RPS6KA5: variants seen among roughly 807,000 people sequenced by gnomAD.
RPS6KA5 encodes the protein ribosomal protein S6 kinase alpha-5.
Under a neutral mutation model 85.5 loss-of-function variants are expected in RPS6KA5, and 27 were observed. The ratio of observed to expected loss-of-function variants is 0.32; its 90% CI spans 0.23 to 0.44. The LOEUF (loss-of-function observed/expected upper bound fraction) is 0.44. RPS6KA5 is among the 20% of genes least tolerant of loss of function. RPS6KA5 has a pLI of 1.00. For missense variants in RPS6KA5, 811 were observed against 980.9 expected (o/e 0.83, Z 2.31); for synonymous variants, 334 against 348.2 (o/e 0.96, Z 0.46).
chr14:91,053,856 G>A lies in RPS6KA5; in HGVS notation c.103+6476C>T, dbSNP rs2043197945. Among the ~76,000 whole-genome samples, 4 of 152,126 alleles carry A rather than the reference G, an allele frequency of 2.6e-5. No individual in the cohort carries two copies. In the South Asian group the frequency reaches 8.3e-4, roughly 31 times the overall value. Reference sequence around the variant, plus strand: ...TGCAGACACTAACAAGCTGATCCTAGAATCCATATGGAAATACAAGGAATC... The same window carrying A: ...TGCAGACACTAACAAGCTGATCCTAAAATCCATATGGAAATACAAGGAATC... On this transcript the variant is annotated intron_variant, in intron 1 of 16. Coordinates refer to ENST00000614987, the MANE Select transcript of RPS6KA5 (RefSeq NM_004755.4).
intron 2 of RPS6KA5, among the ~76,000 whole-genome samples, chr14:90,983,620 AAGAG>A (rs1326458795): frequency 6.6e-6 from 1 of 151,528 alleles, no homozygotes; most frequent in Non-Finnish European, 1.5e-5. Flanking sequence ...AAGAAGAAAG[AAGAG>A]AGAGAGAAAG....
intron 5 of RPS6KA5, among the ~76,000 whole-genome samples, chr14:90,924,076 T>C (rs1311957949): frequency 1.3e-5 from 2 of 152,130 alleles, no homozygotes; most frequent in African/African-American, 4.8e-5. Flanking sequence ...TGATAGGGTA[T>C]ACATTAATAA....
At chr14:90,929,819 G>A (rs2036875411) in intron 5 of RPS6KA5, among the ~76,000 whole-genome samples, 1 of 152,062 alleles carries the variant, frequency 6.6e-6, no homozygotes, top group South Asian at 2.1e-4. Context: ...GGGTGAAGAG[G>A]AAAAAGATCT....
rs112318993 is a variant in RPS6KA5, at chr14:91,033,250, T to C, written c.103+27082A>G. Among the ~76,000 whole-genome samples, 630 of 151,950 alleles carry C rather than the reference T, an allele frequency of 4.1e-3. 4 individuals are homozygous for C. Among genetic ancestry groups the C allele is most frequent in the African/African-American group, 0.014 (580 of 41,438 alleles). On this transcript the variant is annotated intron_variant, in intron 1 of 16. Transcript: ENST00000614987. ...CACTAATAATAAGGAAAATGTAAATTTAAAATCACAATAAGATGACAGTAA... is the reference window on the plus strand; with the variant it reads ...CACTAATAATAAGGAAAATGTAAATCTAAAATCACAATAAGATGACAGTAA...
At chr14:90,929,472 A>G (rs1482189457) in intron 5 of RPS6KA5, among the ~76,000 whole-genome samples, 1 of 152,200 alleles carries the variant, frequency 6.6e-6, no homozygotes, top group Non-Finnish European at 1.5e-5. Context: ...CTCTGGCAAG[A>G]AAAACATAAA....
intron 1 of RPS6KA5, among the ~76,000 whole-genome samples, chr14:91,010,023 T>C (rs939607198): frequency 6.7e-6 from 1 of 150,188 alleles, no homozygotes; most frequent in Non-Finnish European, 1.5e-5. Flanking sequence ...CTAATTTGGT[T>C]AGGTCAACAG....
chr14:90,935,644 T>C (rs965995699), intron 5 of RPS6KA5, among the ~76,000 whole-genome samples: 5 of 152,174 alleles, frequency 3.3e-5, no homozygotes, highest in East Asian at 1.9e-4. Context: ...ATTATCTGAA[T>C]TGAGCAAGGT....
chr14:91,023,252 T>G (rs940208195), intron 1 of RPS6KA5, among the ~76,000 whole-genome samples: 1 of 152,078 alleles, frequency 6.6e-6, no homozygotes, highest in African/African-American at 2.4e-5. Context: ...GGAGACTACC[T>G]GTGTAGGGTA....
In RPS6KA5 at chr14:90,936,782, A is replaced by C. The variant is rs191612622; in HGVS notation, c.618+6296T>G. On this transcript the variant is annotated intron_variant, in intron 5 of 16. Transcript: ENST00000614987. ...TCATGAGCAGAAACATCAAACATACATAAAAAGTAAATTCCTGAAGATTAA... is the reference window on the plus strand; with the variant it reads ...TCATGAGCAGAAACATCAAACATACCTAAAAAGTAAATTCCTGAAGATTAA... Among the ~76,000 whole-genome samples, 30 of 152,306 alleles carry C rather than the reference A, an allele frequency of 2.0e-4. No homozygotes were observed. The East Asian group carries it at 2.9e-3, about 15-fold the overall frequency.
In RPS6KA5 at chr14:91,060,538, G is replaced by A. The variant is rs1481270968; in HGVS notation, c.-104C>T. The A allele has an allele frequency of 8.2e-7, 1 of 1,220,868 alleles. No individual in the cohort carries two copies. The highest frequency in any genetic ancestry group is 1.0e-6 in the Non-Finnish European group (1 of 972,078). The allele number at this position is 1,220,868 out of a possible 1,614,324, so 75.6% of individuals were successfully genotyped here. The stretch of plus-strand genomic sequence containing the variant: ...CTGCCGCGGCCCCAGGAGTCGGGGT[G>A]CGGCGGCTCCAGAACTCGGACGCAA... On this transcript the variant is annotated 5_prime_UTR_variant, in exon 1 of 17. Coordinates refer to ENST00000614987, the MANE Select transcript of RPS6KA5 (RefSeq NM_004755.4).
At chr14:90,877,121 A>C (rs1237157436) in intron 14 of RPS6KA5, among the ~76,000 whole-genome samples, 1 of 152,226 alleles carries the variant, frequency 6.6e-6, no homozygotes, top group East Asian at 1.9e-4. Flanking sequence ...CTCTGAGGTT[A>C]CAAGAGGCTA....
chr14:90,873,874 C>T, intron 15 of RPS6KA5, 79 bp from the exon 16 acceptor site: 1 of 1,260,912 alleles, frequency 7.9e-7, no homozygotes, highest in Non-Finnish European at 1.1e-6. Context: ...TAAATCTCAG[C>T]TATGTTCACA....
chr14:90,994,814 C>T (rs1030698680), intron 2 of RPS6KA5, among the ~76,000 whole-genome samples: 1 of 151,748 alleles, frequency 6.6e-6, no homozygotes, highest in South Asian at 2.1e-4. Context: ...CCTCATGATC[C>T]GCCTGCCTCG....
At position 90,863,326 on chromosome 14, in the gene RPS6KA5, A is replaced by AAAAAAAAAAAAAG. The variant is rs1566662643; in HGVS notation, c.*8747_*8748insCTTTTTTTTTTTT. ...TCAAAAAAAAAAAAAAAAAAAAAAA[A>AAAAAAAAAAAAAG]AAAAGAAAAGAAAAGAAAAAAATAT... On this transcript the variant is annotated 3_prime_UTR_variant, in exon 17 of 17. Coordinates refer to ENST00000614987, the MANE Select transcript of RPS6KA5 (RefSeq NM_004755.4). 1.4e-5 allele frequency: 2 copies of AAAAAAAAAAAAAG among 141,504 alleles called. No homozygotes were observed. Among genetic ancestry groups the AAAAAAAAAAAAAG allele is most frequent in the African/African-American group, 5.6e-5 (2 of 35,488 alleles). The allele number at this position is 141,504 out of a possible 1,614,324, so 8.8% of individuals were successfully genotyped here.
chr14:91,059,663 A>G (rs2043538667), intron 1 of RPS6KA5, among the ~76,000 whole-genome samples: 1 of 152,232 alleles, frequency 6.6e-6, no homozygotes, highest in Non-Finnish European at 1.5e-5. Context: ...AGTTCCTTTT[A>G]CCTGGAGCTT....
intron 3 of RPS6KA5, among the ~76,000 whole-genome samples, chr14:90,976,641 A>T (rs1595381259): frequency 2.0e-5 from 3 of 152,142 alleles, no homozygotes; most frequent in Non-Finnish European, 4.4e-5. Context: ...CATATATATC[A>T]AAAAAATCAA....
At chr14:90,953,518 A>G (rs1264448320) in intron 3 of RPS6KA5, among the ~76,000 whole-genome samples, 1 of 152,232 alleles carries the variant, frequency 6.6e-6, no homozygotes, top group African/African-American at 2.4e-5. Flanking sequence ...GAAGATAACT[A>G]TAAGGTCTGA....
At chr14:91,042,050 C>A (rs1418688582) in intron 1 of RPS6KA5, among the ~76,000 whole-genome samples, 1 of 152,182 alleles carries the variant, frequency 6.6e-6, no homozygotes, top group Non-Finnish European at 1.5e-5. Context: ...AGAATTCTGG[C>A]ATGATCCAGA....
At chr14:91,019,953 C>T (rs1309931579) in intron 1 of RPS6KA5, among the ~76,000 whole-genome samples, 1 of 152,194 alleles carries the variant, frequency 6.6e-6, no homozygotes, top group Middle Eastern at 3.2e-3. Context: ...CTACTATACA[C>T]CTAGGCTAGA....
Sources: gnomAD v4.1 joint callset for allele counts (sites outside exome capture counted in the v4.1 genomes callset) on GRCh38, gnomAD v4.1.1 for gene constraint, MANE v1.5 for transcripts, NCBI Gene and HGNC (gene_info 2026-07-23, HGNC 2026-07-21) for gene names.